TMEM68: variants seen among roughly 807,000 people sequenced by gnomAD.
The protein encoded by TMEM68 is DGAT1/2-independent enzyme synthesizing storage lipids.
In TMEM68, 25 loss-of-function variants were observed where a neutral mutation model predicts 36.9. That is an observed-to-expected ratio of 0.68 (90% confidence interval 0.49 to 0.95). The LOEUF is 0.95. TMEM68 is among the 40% of genes least tolerant of loss of function. The probability of loss-of-function intolerance (pLI) is 0.00; values close to 1 mark genes in which losing one functional copy is unlikely to be tolerated. For synonymous variants in TMEM68, 131 were observed against 124.4 expected, an observed-to-expected ratio of 1.05 and a Z score of -0.35; for missense variants, 333 against 392.0, an observed-to-expected ratio of 0.85 and a Z score of 1.27.
chr8:55,747,291 G>C lies in TMEM68; in HGVS notation c.688-2170C>G, dbSNP rs1810310361. On this transcript the variant is annotated intron_variant, in intron 5 of 7. Coordinates refer to ENST00000434581, the MANE Select transcript of TMEM68 (RefSeq NM_001286657.2). ...GCAGGAGAATCACCTGAACCCGGGA[G>C]GTGGAGGCCGCAATGAGCAGAGATC... is the stretch of plus-strand genomic sequence containing the variant. 3 of 152,208 alleles carry C rather than the reference G, an allele frequency of 2.0e-5. No individual in the cohort carries two copies. The South Asian group carries it at 6.2e-4, about 32-fold the overall frequency. 9.4% of individuals were successfully genotyped at this position (152,208 alleles called of 1,614,324 possible).
chr8:55,743,399 TA>T, intron 7 of TMEM68, 81 bp downstream of exon 7: 1 of 1,449,844 alleles, frequency 6.9e-7, no homozygotes. Flanking sequence ...TTGTAGAATA[TA>T]AAAATAAATC....
chr8:55,744,523 G>A (rs1810212198), intron 6 of TMEM68, among the ~76,000 whole-genome samples: 1 of 151,536 alleles, frequency 6.6e-6, no homozygotes, highest in Non-Finnish European at 1.5e-5. Flanking sequence ...TAGCCAGGAT[G>A]GTCTCAATCT....
chr8:55,768,839 C>T (rs56324663), intron 1 of TMEM68, among the ~76,000 whole-genome samples: 1 of 151,294 alleles, frequency 6.6e-6, no homozygotes, highest in Non-Finnish European at 1.5e-5. Flanking sequence ...GAGTGAGACT[C>T]TGCTCAAAAA....
chr8:55,762,591 G>A (rs1223981410), intron 3 of TMEM68, 44 bp downstream of exon 3: 2 of 1,612,778 alleles, frequency 1.2e-6, no homozygotes, highest in South Asian at 1.1e-5. Context: ...TTCCAATGCA[G>A]CACACATGAA....
intron 5 of TMEM68, among the ~76,000 whole-genome samples, chr8:55,749,589 G>A (rs10958468): frequency 0.84 from 128,522 of 152,106 alleles, 54,626 homozygotes; most frequent in East Asian, 0.99. Flanking sequence ...CGGTTGCCTC[G>A]AGTTCTGAAC....
At chr8:55,756,479 G>A in intron 3 of TMEM68, 68 bp from the exon 4 acceptor site, 1 of 1,381,428 alleles carries the variant, frequency 7.2e-7, no homozygotes, top group South Asian at 1.5e-5. Flanking sequence ...AAGGATGGTT[G>A]GTAGCTCAGT....
At chr8:55,759,942 TTA>T (rs1810732694) in intron 3 of TMEM68, among the ~76,000 whole-genome samples, 1 of 152,194 alleles carries the variant, frequency 6.6e-6, no homozygotes, top group South Asian at 2.1e-4. Flanking sequence ...AAGCCCTATT[TTA>T]TGTCTCTGTA....
At chr8:55,762,123 C>G (rs1810811548) in intron 3 of TMEM68, 1 of 152,410 alleles carries the variant, frequency 6.6e-6, no homozygotes, top group African/African-American at 2.4e-5. Context: ...GAATGACTAT[C>G]CTGGAGAGAA....
In TMEM68 at chr8:55,759,857, A is replaced by G. The variant is rs975990873; in HGVS notation, c.325+2778T>C. Among the ~76,000 whole-genome samples, 7 of 152,318 alleles carry G rather than the reference A, an allele frequency of 4.6e-5. No individual in the cohort carries two copies. The East Asian group carries it at 1.3e-3, about 29-fold the overall frequency. ...AACTTTAATCACAGATTTGAACTAG[A>G]CTACAAGAAAATCTCTGTCCTGTAG... On this transcript the variant is annotated intron_variant, in intron 3 of 7. Transcript: ENST00000434581.
chr8:55,772,819 A>G (rs902813148), intron 1 of TMEM68, among the ~76,000 whole-genome samples: 16 of 152,120 alleles, frequency 1.1e-4, no homozygotes, highest in African/African-American at 3.6e-4. Flanking sequence ...CTTTCCCCCT[A>G]CACTCTCGGG....
At chr8:55,768,076 CT>C (rs1811030214) in intron 1 of TMEM68, among the ~76,000 whole-genome samples, 1 of 151,794 alleles carries the variant, frequency 6.6e-6, no homozygotes, top group Non-Finnish European at 1.5e-5. Context: ...GCATATTCTG[CT>C]GTTTTAAATG....
chr8:55,763,054 T>G, intron 2 of TMEM68, 26 bp from the exon 3 acceptor site: 1 of 1,325,964 alleles, frequency 7.5e-7, no homozygotes, highest in Non-Finnish European at 1.0e-6. Context: ...AATCCAGTAT[T>G]ATTTTCTCCA....
At chr8:55,772,241 T>C (rs1811197212) in intron 1 of TMEM68, among the ~76,000 whole-genome samples, 1 of 152,226 alleles carries the variant, frequency 6.6e-6, no homozygotes, top group Non-Finnish European at 1.5e-5. Flanking sequence ...AAAATACTAT[T>C]GAAAATACCA....
Position 55,742,820 on chromosome 8 carries a change from T to C in TMEM68, c.888+661A>G, listed in dbSNP as rs1411394027. ...CATTTGTAGGGTTTTTTTTTTTTTG[T>C]AGTTTTATACTCTCTGAAAGTATAA... On this transcript the variant is annotated intron_variant, in intron 7 of 7. Transcript: ENST00000434581. Among the ~76,000 whole-genome samples, 4 of 150,398 alleles carry C rather than the reference T, an allele frequency of 2.7e-5. No homozygotes were observed. The East Asian group carries it at 7.9e-4, about 30-fold the overall frequency.
At chr8:55,766,722 C>T (rs1810973916) in intron 1 of TMEM68, among the ~76,000 whole-genome samples, 1 of 152,004 alleles carries the variant, frequency 6.6e-6, no homozygotes, top group Non-Finnish European at 1.5e-5. Context: ...CATCAGAGGG[C>T]ACTGAGCAGA....
chr8:55,744,769 A>G (rs1350285009), intron 6 of TMEM68, among the ~76,000 whole-genome samples: 1 of 152,322 alleles, frequency 6.6e-6, no homozygotes, highest in South Asian at 2.1e-4. Context: ...TTGTAAATGT[A>G]TTCTAAACCT....
intron 4 of TMEM68, among the ~76,000 whole-genome samples, chr8:55,754,674 TA>T (rs1406319458): frequency 8.1e-6 from 1 of 122,884 alleles, no homozygotes; most frequent in African/African-American, 3.2e-5. Flanking sequence ...ATACATATAT[TA>T]TGTAATATAT....
At chr8:55,742,836 GAAA>G in intron 7 of TMEM68, among the ~76,000 whole-genome samples, 1 of 148,538 alleles carries the variant, frequency 6.7e-6, no homozygotes. Context: ...TATACTCTCT[GAAA>G]GTATAATTAT....
chr8:55,771,899 T>C (rs1030021552), intron 1 of TMEM68, among the ~76,000 whole-genome samples: 1 of 152,180 alleles, frequency 6.6e-6, no homozygotes, highest in African/African-American at 2.4e-5. Flanking sequence ...ATCTAATCCT[T>C]TTAGCTTTAA....
Sources: gnomAD v4.1 joint callset for allele counts (sites outside exome capture counted in the v4.1 genomes callset) on GRCh38, gnomAD v4.1.1 for gene constraint, MANE v1.5 for transcripts, NCBI Gene and HGNC (gene_info 2026-07-23, HGNC 2026-07-21) for gene names.